Variants in ZFYVE9 observed in about 807,000 individuals in gnomAD.
The protein encoded by ZFYVE9 is zinc finger FYVE-type containing 9.
Under a neutral mutation model 126.7 loss-of-function variants are expected in ZFYVE9, and 43 were observed. The ratio of observed to expected loss-of-function variants is 0.34; its 90% CI spans 0.27 to 0.44. The LOEUF (loss-of-function observed/expected upper bound fraction) is 0.44. Ranked by LOEUF, ZFYVE9 falls within the 20% of genes least tolerant of loss-of-function variation. The probability of loss-of-function intolerance (pLI) is 1.00; values close to 1 mark genes in which losing one functional copy is unlikely to be tolerated. For missense variants in ZFYVE9, 1,476 were observed against 1,697.0 expected, an observed-to-expected ratio of 0.87 and a Z score of 2.29; for synonymous variants, 521 against 597.4, an observed-to-expected ratio of 0.87 and a Z score of 1.87.
At chr1:52,247,398 A>C (rs955574391) in intron 4 of ZFYVE9, among the ~76,000 whole-genome samples, 2 of 152,214 alleles carry the variant, frequency 1.3e-5, no homozygotes, top group Non-Finnish European at 2.9e-5. Context: ...AATATGCATA[A>C]CATAAAATTT....
intron 7 of ZFYVE9, 127 bp downstream of exon 7, chr1:52,268,759 T>C (rs540210734): frequency 8.8e-7 from 1 of 1,130,904 alleles, no homozygotes; most frequent in African/African-American, 1.6e-5. Context: ...CGTGCACATA[T>C]ATGGATAAAG....
chr1:52,182,546 A>G (rs1644720995), intron 1 of ZFYVE9, among the ~76,000 whole-genome samples: 1 of 152,022 alleles, frequency 6.6e-6, no homozygotes, highest in African/African-American at 2.4e-5. Context: ...AGATGCTTGA[A>G]GGCAGCATGC....
chr1:52,330,385 A>T (rs1416700782), intron 13 of ZFYVE9, among the ~76,000 whole-genome samples: 1 of 152,152 alleles, frequency 6.6e-6, no homozygotes, highest in Non-Finnish European at 1.5e-5. Flanking sequence ...TCAAAAAAAG[A>T]ATGGCTGCTC....
chr1:52,259,526 G>A (rs948005192), intron 4 of ZFYVE9, among the ~76,000 whole-genome samples: 2 of 151,770 alleles, frequency 1.3e-5, no homozygotes, highest in African/African-American at 4.8e-5. Context: ...GGTGGCTCAT[G>A]CCTGTAATCC....
chr1:52,277,142 G>A (rs1338132249), intron 8 of ZFYVE9, among the ~76,000 whole-genome samples: 1 of 152,064 alleles, frequency 6.6e-6, no homozygotes. Flanking sequence ...AGATTAATAA[G>A]GAACTAAATT....
At chr1:52,291,905 A>G (rs1329910408) in intron 10 of ZFYVE9, among the ~76,000 whole-genome samples, 1 of 151,436 alleles carries the variant, frequency 6.6e-6, no homozygotes, top group Non-Finnish European at 1.5e-5. Context: ...AAAAAAAAAA[A>G]AGAGAAACCT....
chr1:52,155,179 A>G (rs779680478), intron 1 of ZFYVE9, among the ~76,000 whole-genome samples: 2 of 150,086 alleles, frequency 1.3e-5, no homozygotes, highest in African/African-American at 2.5e-5. Flanking sequence ...GTGATGAAGC[A>G]TTGTATCTCT....
chr1:52,279,438 A>G (rs1052480433), intron 9 of ZFYVE9, among the ~76,000 whole-genome samples: 11 of 152,166 alleles, frequency 7.2e-5, no homozygotes, highest in African/African-American at 2.7e-4. Flanking sequence ...TGCTAGCATC[A>G]TGGGCATCAG....
At chr1:52,263,939 T>G (rs1250863871) in intron 5 of ZFYVE9, 67 bp downstream of exon 5, 2 of 1,030,628 alleles carry the variant, frequency 1.9e-6, no homozygotes, top group Non-Finnish European at 2.8e-6. Flanking sequence ...ATGAGAAGAC[T>G]TTTTTCCCCC....
rs767033659 is a variant in ZFYVE9 at position 52,237,478 on chromosome 1, T to G, written c.71-10T>G. On this transcript the variant is annotated splice_polypyrimidine_tract_variant and intron_variant, in intron 3 of 18. Transcript: ENST00000287727. ...AAGCAAACTTATTGTAATTACTTAT[T>G]TTTTTCCAGATGAAACAGTTTCTTC... 5.1e-6 allele frequency: 8 copies of G among 1,580,800 alleles called. No homozygotes were observed. Among genetic ancestry groups the G allele is most frequent in the Non-Finnish European group, 6.9e-6 (8 of 1,161,092 alleles).
At chr1:52,326,004 A>G (rs779512552) in intron 13 of ZFYVE9, among the ~76,000 whole-genome samples, 1 of 152,224 alleles carries the variant, frequency 6.6e-6, no homozygotes, top group Non-Finnish European at 1.5e-5. Flanking sequence ...CAAGGGTGGG[A>G]AACACCGGGA....
At chr1:52,275,276 A>G (rs1174251573) in intron 8 of ZFYVE9, among the ~76,000 whole-genome samples, 3 of 152,074 alleles carry the variant, frequency 2.0e-5, no homozygotes, top group Non-Finnish European at 4.4e-5. Flanking sequence ...GGGTCTCTTT[A>G]TCCAGTCAGC....
At chr1:52,243,316 G>T (rs1011200923) in intron 4 of ZFYVE9, among the ~76,000 whole-genome samples, 25 of 152,152 alleles carry the variant, frequency 1.6e-4, no homozygotes, top group Admixed American at 3.9e-4. Flanking sequence ...GATAAGGAGG[G>T]ATAATATAAA....
Position 52,237,541 on chromosome 1 carries a change from C to T in ZFYVE9, c.124C>T (p.Pro42Ser). 1 of 1,613,820 alleles carries T rather than the reference C, an allele frequency of 6.2e-7. No individual in the cohort carries two copies. Among genetic ancestry groups the T allele is most frequent in the Non-Finnish European group, 8.5e-7 (1 of 1,179,812 alleles). ...TACAAAGTGGAATAAGATTCTAGATCCCCCTTCTCACCGGCTGTCATTTAA... is the reference window on the plus strand; with the variant it reads ...TACAAAGTGGAATAAGATTCTAGATTCCCCTTCTCACCGGCTGTCATTTAA... ...LDTKWNKILD[P>S]PSHRLSFNPT... The change falls in exon 4 of 19, where the codon CCC becomes TCC. Residue 42 changes from proline (P) to serine (S), a missense_variant. This residue lies in a region of ZFYVE9 where 807 missense variants were observed against 794.6 expected (regional missense o/e 1.02). Coordinates refer to ENST00000287727, the MANE Select transcript of ZFYVE9 (RefSeq NM_004799.4).
chr1:52,308,959 A>G (rs74982865), intron 13 of ZFYVE9, among the ~76,000 whole-genome samples: 1,989 of 152,334 alleles, frequency 0.013, 21 homozygotes, highest in Middle Eastern at 0.02. Context: ...TAGATAAAAC[A>G]ATATGAAAAC....
intron 2 of ZFYVE9, among the ~76,000 whole-genome samples, chr1:52,217,955 T>C (rs1357030124): frequency 6.6e-6 from 1 of 152,234 alleles, no homozygotes; most frequent in East Asian, 1.9e-4. Context: ...GTATAATTGA[T>C]GAATTGCTGC....
chr1:52,263,875 A>G lies in ZFYVE9; in HGVS notation c.2278+3A>G, dbSNP rs1213054821. 6.3e-7 allele frequency: 1 copy of G among 1,576,198 alleles called. No homozygotes were observed. On this transcript the variant is annotated splice_donor_region_variant and intron_variant, in intron 5 of 18. Transcript: ENST00000287727. Reference sequence around the variant, plus strand: ...CTGCCATTCAGTGCTAATGAATGGTAAGTATTAAAACAGGTTGATTTCATA... The same window carrying G: ...CTGCCATTCAGTGCTAATGAATGGTGAGTATTAAAACAGGTTGATTTCATA...
At chr1:52,248,838 C>G (rs1349977171) in intron 4 of ZFYVE9, among the ~76,000 whole-genome samples, 1 of 152,138 alleles carries the variant, frequency 6.6e-6, no homozygotes, top group Admixed American at 6.6e-5. Context: ...TGATTAAGCA[C>G]CATATTCTTT....
intron 13 of ZFYVE9, among the ~76,000 whole-genome samples, chr1:52,308,628 A>T (rs1646108394): frequency 6.6e-6 from 1 of 151,490 alleles, no homozygotes; most frequent in Non-Finnish European, 1.5e-5. Flanking sequence ...TTCCTTATTG[A>T]TTCATACTTC....
Sources: allele counts gnomAD v4.1 joint callset (sites outside exome capture counted in the v4.1 genomes callset), GRCh38; gene constraint gnomAD v4.1.1; regional missense constraint gnomAD v4.1.1; transcripts MANE v1.5; gene names NCBI Gene and HGNC (gene_info 2026-07-23, HGNC 2026-07-21).